MACF1: variants seen among roughly 807,000 people sequenced by gnomAD.
MACF1 encodes microtubule-actin cross-linking factor 1.
A neutral mutation model predicts 854.8 loss-of-function variants in MACF1; 193 were observed. That is an observed-to-expected ratio of 0.23 (90% confidence interval 0.20 to 0.25). The LOEUF (loss-of-function observed/expected upper bound fraction) is 0.25, where lower values mean the gene tolerates loss of function less well. MACF1 is among the 10% of genes least tolerant of loss of function. MACF1 has a pLI of 1.00. For missense variants in MACF1, 7,722 were observed against 8,929.1 expected, an observed-to-expected ratio of 0.86 and a Z score of 5.45; for synonymous variants, 3,185 against 3,226.7, an observed-to-expected ratio of 0.99 and a Z score of 0.44.
At chr1:39,324,932 CT>C (rs1646581411) in intron 35 of MACF1, among the ~76,000 whole-genome samples, 198 bp downstream of exon 35, 1 of 152,136 alleles carries the variant, frequency 6.6e-6, no homozygotes, top group African/African-American at 2.4e-5. Context: ...TTGTGTTTTA[CT>C]TTTAAAGGTT....
At chr1:39,344,247 G>C (rs2148489534) in intron 40 of MACF1, among the ~76,000 whole-genome samples, 1 of 151,990 alleles carries the variant, frequency 6.6e-6, no homozygotes, top group South Asian at 2.1e-4. Flanking sequence ...GGCCAACATG[G>C]TGAAACCCCA....
intron 58 of MACF1, chr1:39,413,655 C>T (rs549639474): frequency 3.3e-5 from 52 of 1,570,424 alleles, no homozygotes; most frequent in East Asian, 4.7e-5. Context: ...CAGAGGAGCC[C>T]GCCTCCCCAG....
chr1:39,343,796 T>G (rs1646986310), intron 40 of MACF1, among the ~76,000 whole-genome samples: 1 of 152,148 alleles, frequency 6.6e-6, no homozygotes, highest in African/African-American at 2.4e-5. Context: ...CTGAGGCAAG[T>G]TTTAGAGCAG....
intron 43 of MACF1, among the ~76,000 whole-genome samples, chr1:39,351,311 C>G (rs1240653474): frequency 1.3e-5 from 2 of 152,128 alleles, no homozygotes; most frequent in Admixed American, 1.3e-4. Flanking sequence ...TGTCACCACA[C>G]CTAGCTAATT....
intron 2 of MACF1, among the ~76,000 whole-genome samples, chr1:39,092,297 CTG>C: frequency 6.6e-6 from 1 of 152,296 alleles, no homozygotes; most frequent in African/African-American, 2.4e-5. Flanking sequence ...GGAGTGAACT[CTG>C]GACTCAGTTT....
intron 96 of MACF1, among the ~76,000 whole-genome samples, chr1:39,468,992 C>T (rs756092461): frequency 5.9e-5 from 9 of 152,050 alleles, no homozygotes; most frequent in Non-Finnish European, 1.2e-4. Context: ...TGGTGTTACT[C>T]GAATGTTTGT....
chr1:39,332,080 A>G lies in MACF1; in HGVS notation c.5492A>G (p.Asp1831Gly), dbSNP rs112594324. The change falls in exon 37 of 101, where the codon GAT becomes GGT. Residue 1831 changes from aspartate to glycine, a missense_variant. By Grantham distance (94) the Asp-to-Gly change is moderately conservative (BLOSUM62 -1). Around this residue, in one of 15 missense-constraint regions of MACF1, gnomAD observed 1,531 missense variants for 1,601.6 expected, o/e 0.96. Coordinates refer to ENST00000564288, the MANE Select transcript of MACF1 (RefSeq NM_001394062.1). ...ACAATAGATGAAGCAGTGAGCAATG[A>G]TCTAGTAGCTGCTAAGATCGCCCTT... ...RLTIDEAVSN[D>G]LVAAKIALVI... 16 of 1,613,992 alleles carry G rather than the reference A, an allele frequency of 9.9e-6. No homozygotes were observed. In the Admixed American group the frequency reaches 2.7e-4, roughly 27 times the overall value.
intron 51 of MACF1, among the ~76,000 whole-genome samples, chr1:39,371,675 A>G (rs1649255268): frequency 6.6e-6 from 1 of 152,182 alleles, no homozygotes; most frequent in Non-Finnish European, 1.5e-5. Flanking sequence ...TAATAAATGC[A>G]AAGTATAGCC....
chr1:39,150,056 C>T (rs1218273826), intron 2 of MACF1, among the ~76,000 whole-genome samples: 5 of 151,244 alleles, frequency 3.3e-5, no homozygotes, highest in Non-Finnish European at 7.4e-5. Context: ...GACTGTCTCC[C>T]TCTGTCACCC....
chr1:39,123,201 A>ATAT (rs1174193206), intron 2 of MACF1, among the ~76,000 whole-genome samples: 1 of 108,294 alleles, frequency 9.2e-6, no homozygotes. Context: ...ATATATATAT[A>ATAT]AATTTTTTTT....
intron 99 of MACF1, among the ~76,000 whole-genome samples, chr1:39,482,021 G>GT (rs748811876): frequency 2.0e-5 from 3 of 152,112 alleles, no homozygotes; most frequent in Non-Finnish European, 2.9e-5. Context: ...AATGGCTCCA[G>GT]TTTCATAAAA....
In MACF1 at chr1:39,352,988, C is replaced by T; in HGVS notation, c.11200-19C>T. 6.3e-7 allele frequency: 1 copy of T among 1,594,356 alleles called. No individual in the cohort carries two copies. Among genetic ancestry groups the T allele is most frequent in the South Asian group, 1.1e-5 (1 of 90,656 alleles). On this transcript the variant is annotated intron_variant, in intron 43 of 100. Transcript: ENST00000564288. ...GAGTATGTAAAGCCTTCTCACTAGACTACCTCGGTGGCTTTCAGAGTAAAG... is the reference window on the plus strand; with the variant it reads ...GAGTATGTAAAGCCTTCTCACTAGATTACCTCGGTGGCTTTCAGAGTAAAG...
intron 14 of MACF1, among the ~76,000 whole-genome samples, chr1:39,286,536 G>A (rs1008457458): frequency 1.0e-4 from 15 of 150,680 alleles, no homozygotes; most frequent in African/African-American, 2.4e-4. Flanking sequence ...ACACGATCTC[G>A]GCTCACTGCA....
chr1:39,089,909 C>T (rs1054503886), intron 2 of MACF1, among the ~76,000 whole-genome samples: 1 of 152,200 alleles, frequency 6.6e-6, no homozygotes, highest in Admixed American at 6.5e-5. Flanking sequence ...AACACAGGTT[C>T]ACATGGCCCG....
intron 1 of MACF1, among the ~76,000 whole-genome samples, chr1:39,225,463 G>T (rs577511910): frequency 1.3e-5 from 2 of 151,812 alleles, no homozygotes; most frequent in African/African-American, 4.8e-5. Context: ...TGATCCACCC[G>T]CCTCGGCCTC....
intron 72 of MACF1, 126 bp from the exon 73 acceptor site, chr1:39,440,877 C>A: frequency 1.2e-6 from 1 of 835,566 alleles, no homozygotes; most frequent in Non-Finnish European, 1.9e-6. Flanking sequence ...CTTTAGTGTC[C>A]AGATAAGTGA....
intron 2 of MACF1, among the ~76,000 whole-genome samples, chr1:39,198,141 C>T (rs993721185): frequency 6.6e-6 from 1 of 151,970 alleles, no homozygotes. Flanking sequence ...GAGGCTGCAG[C>T]GAGCTATGAT....
At chr1:39,330,933 C>T (rs1464569451) in intron 36 of MACF1, among the ~76,000 whole-genome samples, 1 of 151,992 alleles carries the variant, frequency 6.6e-6, no homozygotes, top group Non-Finnish European at 1.5e-5. Flanking sequence ...TCCTGAGTAG[C>T]TGGGATTACA....
chr1:39,162,247 C>T (rs1205908235), intron 2 of MACF1, among the ~76,000 whole-genome samples: 1 of 152,084 alleles, frequency 6.6e-6, no homozygotes, highest in Non-Finnish European at 1.5e-5. Context: ...AGTGATCTGC[C>T]CGCCTTGGCT....
Sources: allele counts gnomAD v4.1 joint callset (sites outside exome capture counted in the v4.1 genomes callset), GRCh38; gene constraint gnomAD v4.1.1; regional missense constraint gnomAD v4.1.1; transcripts MANE v1.5; gene names NCBI Gene and HGNC (gene_info 2026-07-23, HGNC 2026-07-21).